PRKG1: variants seen among roughly 807,000 people sequenced by gnomAD.
The protein encoded by PRKG1 is cGMP-dependent protein kinase 1.
PRKG1 carries 35 observed loss-of-function variants against 88.1 expected under a neutral mutation model. The observed-to-expected ratio is 0.40, with a 90% CI of 0.30 to 0.53. PRKG1 has a LOEUF of 0.53. PRKG1 is among the 20% of genes least tolerant of loss of function. PRKG1 has a pLI of 0.59. For missense variants in PRKG1, 540 were observed against 839.8 expected (o/e 0.64, Z 4.41); for synonymous variants, 303 against 292.5 (o/e 1.04, Z -0.37).
chr10:51,557,351 C>G (rs1324874949), intron 3 of PRKG1, among the ~76,000 whole-genome samples: 1 of 151,862 alleles, frequency 6.6e-6, no homozygotes, highest in African/African-American at 2.4e-5. Flanking sequence ...CACCACCCCC[C>G]CACCACCCAC....
chr10:51,582,898 CATA>C (rs1204781070), intron 3 of PRKG1, among the ~76,000 whole-genome samples: 1 of 152,056 alleles, frequency 6.6e-6, no homozygotes, highest in Non-Finnish European at 1.5e-5. Context: ...AGATTATTTG[CATA>C]ATATTGTCAG....
chr10:51,699,041 T>C, intron 3 of PRKG1: 4 of 1,614,250 alleles, frequency 2.5e-6, no homozygotes, highest in Non-Finnish European at 2.5e-6. Context: ...CAACAGTGCA[T>C]AAGCCAGTTG....
At chr10:51,314,371 G>A (rs970231160) in intron 2 of PRKG1, among the ~76,000 whole-genome samples, 7 of 152,118 alleles carry the variant, frequency 4.6e-5, no homozygotes, top group African/African-American at 1.7e-4. Flanking sequence ...AAAAGATAAA[G>A]GTGAAATTAA....
At chr10:52,096,172 T>C (rs893002359) in intron 7 of PRKG1, among the ~76,000 whole-genome samples, 1 of 152,212 alleles carries the variant, frequency 6.6e-6, no homozygotes, top group South Asian at 2.1e-4. Context: ...TGCTACATCT[T>C]CTAAGAATTC....
At position 51,512,175 on chromosome 10, in the gene PRKG1, AT is replaced by A. The variant is rs59298858; in HGVS notation, c.592+44355del. ...GAGAGTACTTCTCTCATTCTAATTA[AT>A]TTTTTTTTTTTTTTTAGTTTTTTTT... On this transcript the variant is annotated intron_variant, in intron 3 of 17. Coordinates refer to ENST00000373980, the MANE Select transcript of PRKG1 (RefSeq NM_006258.4). Among the ~76,000 whole-genome samples, 601 of 132,798 alleles carry A rather than the reference AT, an allele frequency of 4.5e-3. 2 individuals carry two copies. The highest frequency in any genetic ancestry group is 7.9e-3 in the Middle Eastern group (2 of 252). The allele number at this position is 132,798 out of a possible 152,430, so 87.1% of individuals were successfully genotyped here.
Position 51,102,945 on chromosome 10 carries a change from A to T in PRKG1, c.311+28044A>T, listed in dbSNP as rs149813998. On this transcript the variant is annotated intron_variant, in intron 1 of 17. Transcript: ENST00000373980. Reference sequence around the variant, plus strand: ...ATCTACCATAAATAACTTCAGACAGATAAGAGAAAATAGTATATGAATGGA... The same window carrying T: ...ATCTACCATAAATAACTTCAGACAGTTAAGAGAAAATAGTATATGAATGGA... 2.0e-3 allele frequency among the ~76,000 whole-genome samples: 312 copies of T among 152,306 alleles called. 1 individual carries two copies. The highest frequency in any genetic ancestry group is 7.2e-3 in the African/African-American group (299 of 41,562).
At chr10:51,714,195 G>T (rs1409282932) in intron 3 of PRKG1, among the ~76,000 whole-genome samples, 1 of 152,130 alleles carries the variant, frequency 6.6e-6, no homozygotes, top group Non-Finnish European at 1.5e-5. Context: ...TGGCAGGCTG[G>T]TCTCCATATC....
intron 1 of PRKG1, among the ~76,000 whole-genome samples, chr10:51,149,169 G>A (rs1404879681): frequency 6.6e-6 from 1 of 152,052 alleles, no homozygotes; most frequent in East Asian, 1.9e-4. Context: ...ACAATGGTTG[G>A]ATCTCATTGT....
intron 2 of PRKG1, among the ~76,000 whole-genome samples, chr10:51,227,249 T>G (rs902998079): frequency 6.6e-6 from 1 of 151,878 alleles, no homozygotes. Context: ...ATCATAGGCT[T>G]ATAGTGCCTA....
chr10:51,711,911 T>A (rs1841761540), intron 3 of PRKG1, among the ~76,000 whole-genome samples: 1 of 152,226 alleles, frequency 6.6e-6, no homozygotes, highest in Non-Finnish European at 1.5e-5. Flanking sequence ...TCTCTTTAAA[T>A]AGTCTTTCCA....
At chr10:52,016,508 A>G (rs1428245927) in intron 5 of PRKG1, among the ~76,000 whole-genome samples, 1 of 152,230 alleles carries the variant, frequency 6.6e-6, no homozygotes, top group Non-Finnish European at 1.5e-5. Flanking sequence ...GAGCCAAACT[A>G]TATCAATAAT....
chr10:51,106,642 T>G (rs1457167476), intron 1 of PRKG1, among the ~76,000 whole-genome samples: 3 of 152,230 alleles, frequency 2.0e-5, no homozygotes, highest in Non-Finnish European at 4.4e-5. Flanking sequence ...AGCCAAAAAG[T>G]GAGCATGAAT....
chr10:51,645,934 A>C (rs1474389543), intron 3 of PRKG1, among the ~76,000 whole-genome samples: 1 of 152,220 alleles, frequency 6.6e-6, no homozygotes, highest in East Asian at 1.9e-4. Context: ...AAAATTAATC[A>C]GTTTTTCATT....
chr10:51,891,476 C>T (rs1015725805), intron 4 of PRKG1, among the ~76,000 whole-genome samples: 2 of 152,030 alleles, frequency 1.3e-5, no homozygotes, highest in African/African-American at 4.8e-5. Flanking sequence ...TCCATCTCTC[C>T]CATTTTATTA....
intron 5 of PRKG1, among the ~76,000 whole-genome samples, chr10:51,969,143 A>T (rs1394295639): frequency 6.6e-6 from 1 of 152,184 alleles, no homozygotes. Flanking sequence ...CTCAATTATG[A>T]TATAAAGTAA....
At chr10:51,120,028 C>G (rs1041144549) in intron 1 of PRKG1, among the ~76,000 whole-genome samples, 1 of 152,064 alleles carries the variant, frequency 6.6e-6, no homozygotes. Flanking sequence ...GCCTTACTTT[C>G]AAATTTCCCT....
chr10:52,205,876 C>G (rs1407376172), intron 9 of PRKG1, among the ~76,000 whole-genome samples: 1 of 151,892 alleles, frequency 6.6e-6, no homozygotes, highest in Non-Finnish European at 1.5e-5. Context: ...CTTGGAGTGT[C>G]TGATGACTAT....
At chr10:51,017,442 A>G (rs1264471649) in intron 1 of PRKG1, among the ~76,000 whole-genome samples, 1 of 152,244 alleles carries the variant, frequency 6.6e-6, no homozygotes, top group East Asian at 1.9e-4. Flanking sequence ...AGAAAGTTAA[A>G]TAATTAAAAC....
intron 3 of PRKG1, among the ~76,000 whole-genome samples, chr10:51,490,534 CA>C (rs1223828913): frequency 1.3e-5 from 2 of 152,086 alleles, no homozygotes; most frequent in Non-Finnish European, 2.9e-5. Context: ...ACTTAATCCT[CA>C]AAGCTCATAC....
Sources: gnomAD v4.1 joint callset for allele counts (sites outside exome capture counted in the v4.1 genomes callset) on GRCh38, gnomAD v4.1.1 for gene constraint, MANE v1.5 for transcripts, NCBI Gene and HGNC (gene_info 2026-07-23, HGNC 2026-07-21) for gene names.